The following RUNX1 variants were observed in gnomAD, a reference collection of about 807,000 sequenced individuals.
RUNX1 encodes the protein RUNX family transcription factor 1.
Under a neutral mutation model 42.8 loss-of-function variants are expected in RUNX1, and 19 were observed. The ratio of observed to expected loss-of-function variants is 0.44; its 90% CI spans 0.31 to 0.65. The LOEUF (loss-of-function observed/expected upper bound fraction) is 0.65. RUNX1 is among the 30% of genes least tolerant of loss of function. RUNX1 has a pLI of 0.07. For synonymous variants in RUNX1, 271 were observed against 289.4 expected (o/e 0.94, Z 0.64); for missense variants, 528 against 672.0 (o/e 0.79, Z 2.37).
At position 34,896,569 on chromosome 21, in the gene RUNX1, G is replaced by C. The variant is rs529900432; in HGVS notation, c.59-3606C>G. On this transcript the variant is annotated intron_variant, in intron 2 of 8. Transcript: ENST00000675419. The stretch of plus-strand genomic sequence containing the variant: ...ATGGTGGTGGGCACCTGTAATCCCA[G>C]CTATTCAGGAGGCTGAGGCAGGAGA... 4.5e-4 allele frequency among the ~76,000 whole-genome samples: 69 copies of C among 152,310 alleles called. 1 individual carries two copies. Among genetic ancestry groups the C allele is most frequent in the African/African-American group, 1.6e-3 (66 of 41,578 alleles).
At chr21:34,802,184 A>T (rs770018134) in intron 7 of RUNX1, among the ~76,000 whole-genome samples, 12 of 152,222 alleles carry the variant, frequency 7.9e-5, no homozygotes, top group Non-Finnish European at 1.2e-4. Flanking sequence ...AGTTATCCAG[A>T]AAAGGCCCCA....
chr21:34,962,074 T>A (rs948576012), intron 2 of RUNX1, among the ~76,000 whole-genome samples: 6 of 151,956 alleles, frequency 3.9e-5, no homozygotes, highest in Non-Finnish European at 7.4e-5. Flanking sequence ...TGAAAAAAAA[T>A]TTTTTGTAGA....
chr21:34,931,849 C>T (rs964823270), intron 2 of RUNX1, among the ~76,000 whole-genome samples: 6 of 151,726 alleles, frequency 4.0e-5, no homozygotes, highest in Admixed American at 1.3e-4. Context: ...GATAGGGCTG[C>T]GTAGAGTGGT....
intron 2 of RUNX1, among the ~76,000 whole-genome samples, chr21:34,918,927 G>T (rs546089809): frequency 1.3e-5 from 2 of 152,006 alleles, no homozygotes; most frequent in Non-Finnish European, 2.9e-5. Context: ...TACAATAAAA[G>T]GATACATGAA....
chr21:34,958,293 C>T (rs2058659277), intron 2 of RUNX1, among the ~76,000 whole-genome samples: 1 of 152,140 alleles, frequency 6.6e-6, no homozygotes, highest in African/African-American at 2.4e-5. Context: ...ATGAAACCAG[C>T]CCAGCTAGGC....
chr21:34,993,722 C>CAG lies in RUNX1; in HGVS notation c.58+55119_58+55120insCT, dbSNP rs1569141953. Reference sequence around the variant, plus strand: ...ACACACACACAGACACACACAGGCACACACACACAGACACACAGAGACACA... The same window carrying CAG: ...ACACACACACAGACACACACAGGCACAGACACACACAGACACACAGAGACACA... On this transcript the variant is annotated intron_variant, in intron 2 of 8. Coordinates refer to ENST00000675419, the MANE Select transcript of RUNX1 (RefSeq NM_001754.5). Among the ~76,000 whole-genome samples the CAG allele has an allele frequency of 3.8e-4, 52 of 135,678 alleles. 1 individual carries two copies. Among genetic ancestry groups the CAG allele is most frequent in the African/African-American group, 1.7e-3 (47 of 27,962 alleles). The allele number at this position is 135,678 out of a possible 152,430, so 89.0% of individuals were successfully genotyped here.
intron 2 of RUNX1, among the ~76,000 whole-genome samples, chr21:34,939,636 C>T (rs1300340857): frequency 6.6e-6 from 1 of 152,078 alleles, no homozygotes; most frequent in Non-Finnish European, 1.5e-5. Flanking sequence ...CCAAAAATCC[C>T]CCCACTGCAA....
At chr21:34,841,780 G>A (rs2057239790) in intron 6 of RUNX1, among the ~76,000 whole-genome samples, 1 of 152,152 alleles carries the variant, frequency 6.6e-6, no homozygotes, top group Non-Finnish European at 1.5e-5. Context: ...TCTCCCTGAG[G>A]AGTTCCTGGA....
chr21:34,818,963 T>C (rs2056869999), intron 7 of RUNX1, among the ~76,000 whole-genome samples: 1 of 152,024 alleles, frequency 6.6e-6, no homozygotes, highest in African/African-American at 2.4e-5. Context: ...TAGGAATGTG[T>C]CCAAGCTGGG....
chr21:34,801,829 C>T (rs1329872638), intron 7 of RUNX1, among the ~76,000 whole-genome samples: 2 of 152,352 alleles, frequency 1.3e-5, no homozygotes, highest in East Asian at 3.9e-4. Flanking sequence ...ATATTCATTA[C>T]TGTCTTTGGT....
intron 2 of RUNX1, among the ~76,000 whole-genome samples, chr21:35,036,635 G>A (rs910840588): frequency 2.0e-5 from 3 of 152,196 alleles, no homozygotes; most frequent in African/African-American, 7.2e-5. Flanking sequence ...TCAGAGGACT[G>A]GTGACATGGA....
intron 7 of RUNX1, among the ~76,000 whole-genome samples, chr21:34,805,193 G>T (rs557678910): frequency 6.6e-6 from 1 of 152,198 alleles, no homozygotes; most frequent in South Asian, 2.1e-4. Context: ...CAAACAAAAA[G>T]ATAAAGAGGA....
intron 2 of RUNX1, among the ~76,000 whole-genome samples, chr21:34,992,008 A>G (rs1448166630): frequency 3.9e-5 from 6 of 152,226 alleles, no homozygotes. Context: ...CTGCACAGGG[A>G]GCAAGGGCCT....
chr21:34,888,782 G>A (rs1171692888), intron 3 of RUNX1: 1 of 761,928 alleles, frequency 1.3e-6, no homozygotes, highest in Non-Finnish European at 1.6e-6. Flanking sequence ...GGCGGCCGGC[G>A]GCCAATCACA....
At chr21:34,820,403 A>G (rs139165652) in intron 7 of RUNX1, among the ~76,000 whole-genome samples, 2,258 of 152,186 alleles carry the variant, frequency 0.015, 47 homozygotes, top group African/African-American at 0.051. Context: ...TAATCTCAGC[A>G]CTTTGGGAGG....
chr21:34,949,125 C>T (rs1230725896), intron 2 of RUNX1, among the ~76,000 whole-genome samples: 1 of 152,180 alleles, frequency 6.6e-6, no homozygotes, highest in African/African-American at 2.4e-5. Context: ...CAAACAGCTA[C>T]ACTGCCTGGA....
chr21:34,878,180 A>T (rs1463496564), intron 5 of RUNX1, among the ~76,000 whole-genome samples: 3 of 151,238 alleles, frequency 2.0e-5, no homozygotes, highest in South Asian at 4.1e-4. Flanking sequence ...AAAAAAAAAA[A>T]AAAAGAAGAA....
At chr21:34,805,044 T>C (rs1221774801) in intron 7 of RUNX1, among the ~76,000 whole-genome samples, 1 of 152,160 alleles carries the variant, frequency 6.6e-6, no homozygotes, top group Non-Finnish European at 1.5e-5. Flanking sequence ...TGAGCCACCG[T>C]GCCCAGCCTG....
At chr21:35,030,204 A>G (rs1033923200) in intron 2 of RUNX1, among the ~76,000 whole-genome samples, 1 of 152,266 alleles carries the variant, frequency 6.6e-6, no homozygotes, top group Admixed American at 6.5e-5. Context: ...TTAGCCGGGC[A>G]TGGCGGTGTG....
Sources: gnomAD v4.1 joint callset for allele counts (sites outside exome capture counted in the v4.1 genomes callset) on GRCh38, gnomAD v4.1.1 for gene constraint, MANE v1.5 for transcripts, NCBI Gene and HGNC (gene_info 2026-07-23, HGNC 2026-07-21) for gene names.